SHQ1: variants seen among roughly 807,000 people sequenced by gnomAD.
SHQ1 encodes the protein SHQ1, H/ACA ribonucleoprotein assembly factor.
In SHQ1, 49 loss-of-function variants were observed where a neutral mutation model predicts 53.8. That is an observed-to-expected ratio of 0.91 (90% CI 0.72 to 1.16). The LOEUF is 1.16. SHQ1 is among the 50% of genes most tolerant of loss of function. SHQ1 has a pLI of 0.00. For missense variants in SHQ1, 738 were observed against 683.1 expected (o/e 1.08, Z -0.90); for synonymous variants, 243 against 251.0 (o/e 0.97, Z 0.30).
chr3:72,738,732 GCTT>G, the SHQ1 span, among the ~76,000 whole-genome samples: 3 of 152,164 alleles, frequency 2.0e-5, no homozygotes, highest in Admixed American at 2.0e-4. Context: ...ACCTGGAACA[GCTT>G]CTTACAATTC....
At chr3:72,738,917 G>C in the SHQ1 span, among the ~76,000 whole-genome samples, 2 of 152,286 alleles carry the variant, frequency 1.3e-5, no homozygotes, top group East Asian at 3.9e-4. Context: ...CGACGCCCGA[G>C]GACCCGACGG....
chr3:72,747,501 T>C (rs567296372), downstream of SHQ1, among the ~76,000 whole-genome samples: 11 of 152,316 alleles, frequency 7.2e-5, 1 homozygote, highest in Admixed American at 4.6e-4. Flanking sequence ...TTTGAAAGAC[T>C]TTCCATGCTA....
At chr3:72,747,189 T>C (rs11928067), downstream of SHQ1, among the ~76,000 whole-genome samples, 34,661 of 152,150 alleles carry the variant, frequency 0.23, 4,151 homozygotes, top group Non-Finnish European at 0.26. Context: ...TCTTATTTGT[T>C]CATTCATTCA....
intron 10 of SHQ1, among the ~76,000 whole-genome samples, chr3:72,766,776 G>A (rs1055859654): frequency 6.6e-6 from 1 of 152,106 alleles, no homozygotes; most frequent in African/African-American, 2.4e-5. Flanking sequence ...AGGACTTCAT[G>A]AGCCATTTTA....
At chr3:72,829,331 C>G (rs892729653) in intron 5 of SHQ1, among the ~76,000 whole-genome samples, 1 of 152,130 alleles carries the variant, frequency 6.6e-6, no homozygotes, top group African/African-American at 2.4e-5. Flanking sequence ...CCCTTTAGTA[C>G]GCTTCTTCTT....
intron 5 of SHQ1, among the ~76,000 whole-genome samples, chr3:72,831,359 T>G (rs952295023): frequency 2.6e-5 from 4 of 152,160 alleles, no homozygotes; most frequent in African/African-American, 9.7e-5. Flanking sequence ...TAAACTGAAA[T>G]AGTGTACATG....
At chr3:72,825,232 T>G (rs905316852) in intron 5 of SHQ1, among the ~76,000 whole-genome samples, 1 of 152,080 alleles carries the variant, frequency 6.6e-6, no homozygotes, top group African/African-American at 2.4e-5. Context: ...GTGCTAGGTA[T>G]GCAAGTACTA....
intron 10 of SHQ1, among the ~76,000 whole-genome samples, chr3:72,777,747 G>T (rs1379720986): frequency 6.6e-6 from 1 of 152,150 alleles, no homozygotes; most frequent in Non-Finnish European, 1.5e-5. Flanking sequence ...CATGAAACAC[G>T]TATAGTGATA....
chr3:72,784,463 T>C lies in SHQ1; in HGVS notation c.1181+8453A>G, dbSNP rs1706166189. On this transcript the variant is annotated intron_variant, in intron 10 of 10. Transcript: ENST00000325599. ...TGAAACCACGCTGAATGGATCCAAGTGAATGGATACTGCCTTGTACTAATC... is the reference window on the plus strand; with the variant it reads ...TGAAACCACGCTGAATGGATCCAAGCGAATGGATACTGCCTTGTACTAATC... 4.6e-5 allele frequency among the ~76,000 whole-genome samples: 7 copies of C among 152,164 alleles called. No individual in the cohort carries two copies. The South Asian group carries it at 1.4e-3, about 31-fold the overall frequency.
intron 2 of SHQ1, among the ~76,000 whole-genome samples, chr3:72,842,934 G>C (rs1302930709): frequency 6.6e-6 from 1 of 152,132 alleles, no homozygotes; most frequent in Non-Finnish European, 1.5e-5. Context: ...AATTAGCTGG[G>C]AGTGGTGGCA....
At chr3:72,761,685 C>T (rs960593860) in intron 10 of SHQ1, among the ~76,000 whole-genome samples, 5 of 152,158 alleles carry the variant, frequency 3.3e-5, no homozygotes, top group Non-Finnish European at 7.4e-5. Context: ...GTACTTACAG[C>T]AACCCTGTGA....
chr3:72,803,994 G>A (rs766413926), intron 9 of SHQ1, among the ~76,000 whole-genome samples: 29 of 152,114 alleles, frequency 1.9e-4, no homozygotes, highest in Non-Finnish European at 4.3e-4. Flanking sequence ...ATAGCTCACT[G>A]TAACCTCGAA....
At chr3:72,826,223 C>G (rs1353142117) in intron 5 of SHQ1, among the ~76,000 whole-genome samples, 1 of 152,164 alleles carries the variant, frequency 6.6e-6, no homozygotes, top group Non-Finnish European at 1.5e-5. Flanking sequence ...ATAACAATTT[C>G]CAACAGGTGC....
Position 72,848,350 on chromosome 3 carries a change from G to A in SHQ1, c.-10C>T, listed in dbSNP as rs777912980. ...ACGCCGGGGTCAGCATCGCCGCACCGGACGCAAGGGCCGGCGCCGCTCGCT... is the reference window on the plus strand; with the variant it reads ...ACGCCGGGGTCAGCATCGCCGCACCAGACGCAAGGGCCGGCGCCGCTCGCT... On this transcript the variant is annotated 5_prime_UTR_variant, in exon 1 of 11. Coordinates refer to ENST00000325599, the MANE Select transcript of SHQ1 (RefSeq NM_018130.3). The A allele has an allele frequency of 8.1e-6, 13 of 1,613,298 alleles. No individual in the cohort carries two copies. The highest frequency in any genetic ancestry group is 8.5e-6 in the Non-Finnish European group (10 of 1,179,678).
intron 10 of SHQ1, among the ~76,000 whole-genome samples, chr3:72,787,745 C>T (rs762826321): frequency 6.6e-6 from 1 of 151,552 alleles, no homozygotes; most frequent in South Asian, 2.1e-4. Context: ...TCCCTTTGCA[C>T]GGTCTCCCTC....
chr3:72,737,434 G>T, the SHQ1 span, among the ~76,000 whole-genome samples: 1 of 152,118 alleles, frequency 6.6e-6, no homozygotes, highest in Admixed American at 6.6e-5. Flanking sequence ...ATGCATCTTT[G>T]GGGGCAGTGG....
Position 72,842,407 on chromosome 3 carries a change from A to G in SHQ1, c.209-5T>C, listed in dbSNP as rs376827237. ...GCAGGCGAATGGTAAAAATTCCTTA[A>G]AGATAAATTTGTTTTATGCTTAGAT... is the stretch of plus-strand genomic sequence containing the variant. On this transcript the variant is annotated splice_region_variant and splice_polypyrimidine_tract_variant and intron_variant, in intron 2 of 10. Transcript: ENST00000325599. 5.0e-6 allele frequency: 8 copies of G among 1,612,026 alleles called. No homozygotes were observed. The highest frequency in any genetic ancestry group is 1.6e-4 in the Middle Eastern group (1 of 6,074).
intron 9 of SHQ1, among the ~76,000 whole-genome samples, chr3:72,798,254 T>G (rs1412893209): frequency 6.6e-6 from 1 of 152,104 alleles, no homozygotes; most frequent in Admixed American, 6.5e-5. Flanking sequence ...AAAATGGCAC[T>G]AACAGCTCTC....
At chr3:72,730,114 G>A in the SHQ1 span, among the ~76,000 whole-genome samples, 8 of 151,318 alleles carry the variant, frequency 5.3e-5, no homozygotes, top group Non-Finnish European at 1.0e-4. Flanking sequence ...CACCGTGCCC[G>A]GCCCTAAATT....
Sources: gnomAD v4.1 joint callset for allele counts (sites outside exome capture counted in the v4.1 genomes callset) on GRCh38, gnomAD v4.1.1 for gene constraint, MANE v1.5 for transcripts, NCBI Gene and HGNC (gene_info 2026-07-23, HGNC 2026-07-21) for gene names.